Variants in MASP1 observed in about 807,000 individuals in gnomAD.
MASP1 encodes MBL associated serine protease 1, also known as mannan-binding lectin serine protease 1.
MASP1 carries 59 observed loss-of-function variants against 77.1 expected under a neutral mutation model. That is an observed-to-expected ratio of 0.77 (90% CI 0.62 to 0.95). MASP1 has a LOEUF of 0.95. MASP1 is among the 40% of genes least tolerant of loss of function. The pLI, the probability that MASP1 is intolerant of heterozygous loss-of-function variation, is 0.00. For synonymous variants in MASP1, 362 were observed against 354.5 expected (o/e 1.02, Z -0.24); for missense variants, 885 against 912.9 (o/e 0.97, Z 0.39).
At chr3:187,245,525 T>C (rs1176147706) in intron 8 of MASP1, among the ~76,000 whole-genome samples, 2 of 152,044 alleles carry the variant, frequency 1.3e-5, no homozygotes, top group Non-Finnish European at 2.9e-5. Context: ...GGGTGATAAA[T>C]AGTGGAAGGT....
At chr3:187,268,306 ACC>A (rs1716214794) in intron 2 of MASP1, among the ~76,000 whole-genome samples, 1 of 151,948 alleles carries the variant, frequency 6.6e-6, no homozygotes, top group African/African-American at 2.4e-5. Flanking sequence ...TCATAGCAAG[ACC>A]CTGTCTCTAC....
intron 10 of MASP1, 134 bp from the exon 11 acceptor site, chr3:187,236,701 T>A: frequency 1.3e-6 from 2 of 1,489,618 alleles, no homozygotes; most frequent in Non-Finnish European, 1.8e-6. Context: ...CCTGCCTGGG[T>A]CATGCTAGCC....
chr3:187,251,744 A>G lies in MASP1; in HGVS notation c.901T>C (p.Cys301Arg). ...RLSYRAAGNECPELQPPVHGK... is the reference protein window; with the variant it reads ...RLSYRAAGNERPELQPPVHGK... ...TGGACAGGAGGCTGTAGCTCTGGGC[A>G]CTCATTTCCTGGTGAGGAGCAAATG... Residue 301 changes from cysteine to arginine, a missense_variant, in exon 7 of 11, where the codon TGC becomes CGC. By Grantham distance (180) the Cys-to-Arg change is radical (BLOSUM62 -3). Coordinates refer to ENST00000296280, the MANE Select transcript of MASP1 (RefSeq NM_139125.4). 6.2e-7 allele frequency: 1 copy of G among 1,613,460 alleles called. No homozygotes were observed. The highest frequency in any genetic ancestry group is 8.5e-7 in the Non-Finnish European group (1 of 1,179,416).
chr3:187,238,254 T>G (rs1408526480), intron 10 of MASP1, among the ~76,000 whole-genome samples: 1 of 152,206 alleles, frequency 6.6e-6, no homozygotes, highest in African/African-American at 2.4e-5. Flanking sequence ...TGGAGAGACC[T>G]TGGAGAACAG....
At chr3:187,229,608 A>C, downstream of MASP1, 3 of 1,000,066 alleles carry the variant, frequency 3.0e-6, no homozygotes, top group Non-Finnish European at 4.5e-6. Flanking sequence ...GAGACAGACC[A>C]GGATCCAGTC....
chr3:187,291,546 T>C (rs1718334466), intron 1 of MASP1, 82 bp downstream of exon 1: 1 of 1,562,252 alleles, frequency 6.4e-7, no homozygotes, highest in Non-Finnish European at 8.8e-7. Flanking sequence ...GGTGAGTCTG[T>C]CAGTGACAAG....
At chr3:187,291,101 A>C (rs1445272824) in intron 1 of MASP1, 2 of 174,650 alleles carry the variant, frequency 1.1e-5, no homozygotes, top group African/African-American at 4.8e-5. Flanking sequence ...GGGAACTGTA[A>C]AATGGGGACA....
chr3:187,276,123 A>G (rs1184692265), intron 2 of MASP1, among the ~76,000 whole-genome samples: 3 of 107,088 alleles, frequency 2.8e-5, no homozygotes, highest in African/African-American at 7.2e-5. Flanking sequence ...AGCCCCCCCA[A>G]CAAGAAAGCC....
chr3:187,253,046 T>C, intron 6 of MASP1, 122 bp downstream of exon 6: 3 of 1,307,164 alleles, frequency 2.3e-6, no homozygotes, highest in Non-Finnish European at 2.2e-6. Context: ...CCCCAGCTGC[T>C]CAACTGGGAG....
At chr3:187,278,242 G>GTC (rs1717120034) in intron 2 of MASP1, among the ~76,000 whole-genome samples, 2 of 152,212 alleles carry the variant, frequency 1.3e-5, no homozygotes, top group African/African-American at 4.8e-5. Flanking sequence ...GGGTCTGAAT[G>GTC]ACTCCAAAGT....
intron 8 of MASP1, chr3:187,246,618 A>G: frequency 4.1e-6 from 4 of 986,080 alleles, no homozygotes; most frequent in Non-Finnish European, 4.8e-6. Context: ...ATCACTGTTT[A>G]GGACCTGTGA....
At chr3:187,231,847 C>T (rs1440479306), downstream of MASP1, among the ~76,000 whole-genome samples, 3 of 152,198 alleles carry the variant, frequency 2.0e-5, no homozygotes, top group African/African-American at 7.2e-5. Flanking sequence ...ACATGGAGAA[C>T]TGAACATGTA....
Position 187,253,180 on chromosome 3 carries a change from A to G in MASP1, c.880T>C (p.Tyr294His), listed in dbSNP as rs770002337. The G allele has an allele frequency of 3.1e-6, 5 of 1,613,880 alleles. No individual in the cohort carries two copies. The highest frequency in any genetic ancestry group is 4.2e-6 in the Non-Finnish European group (5 of 1,180,006). The change falls in exon 6 of 11, where the codon TAC becomes CAC. Residue 294 changes from tyrosine to histidine, a missense_variant. By Grantham distance (83) the Tyr-to-His change is moderately conservative (BLOSUM62 2). Coordinates refer to ENST00000296280, the MANE Select transcript of MASP1 (RefSeq NM_139125.4). ...GGGAAGAGGTTACCTGCAGCCCTGT[A>G]TGAGAGCCTCCAGCCCCGGTTCTCT... is the stretch of plus-strand genomic sequence containing the variant. ...SGENRGWRLSYRAAGNECPEL... is the reference protein window; with the variant it reads ...SGENRGWRLSHRAAGNECPEL...
chr3:187,286,924 C>A (rs1717909663), intron 1 of MASP1, among the ~76,000 whole-genome samples: 1 of 152,216 alleles, frequency 6.6e-6, no homozygotes, highest in Non-Finnish European at 1.5e-5. Context: ...AGTTCCCTGG[C>A]CTGAACTTTA....
At chr3:187,229,700 G>C (rs182806683), downstream of MASP1, 1 of 1,597,776 alleles carries the variant, frequency 6.3e-7, no homozygotes, top group Non-Finnish European at 8.5e-7. Flanking sequence ...AGAAACCTTG[G>C]TCAGTCTCCA....
chr3:187,235,057 A>T lies in MASP1; in HGVS notation c.*627T>A. On this transcript the variant is annotated 3_prime_UTR_variant, in exon 11 of 11. Coordinates refer to ENST00000296280, the MANE Select transcript of MASP1 (RefSeq NM_139125.4). ...TTTTGAAATTCCTTTAATGGGGAAC[A>T]TAAGGGATAAGGCTTAGACTGCAAG... The T allele has an allele frequency of 7.8e-7, 1 of 1,287,294 alleles. No individual in the cohort carries two copies. The highest frequency in any genetic ancestry group is 1.0e-6 in the Non-Finnish European group (1 of 988,716). The allele number at this position is 1,287,294 out of a possible 1,614,324, so 79.7% of individuals were successfully genotyped here.
intron 14 of MASP1, among the ~76,000 whole-genome samples, chr3:187,222,771 C>G (rs1392205092): frequency 1.3e-5 from 2 of 151,814 alleles, no homozygotes; most frequent in African/African-American, 2.4e-5. Context: ...TTCTCAAGAG[C>G]CTGGCTCATT....
chr3:187,225,733 T>A (rs1186436091), intron 12 of MASP1, among the ~76,000 whole-genome samples: 3 of 152,196 alleles, frequency 2.0e-5, no homozygotes, highest in Non-Finnish European at 2.9e-5. Flanking sequence ...GCTGTTGCCT[T>A]GTAATGCTTG....
chr3:187,255,927 G>A (rs532327842), intron 5 of MASP1, among the ~76,000 whole-genome samples: 1 of 151,816 alleles, frequency 6.6e-6, no homozygotes, highest in Non-Finnish European at 1.5e-5. Context: ...CCAGCTCAGG[G>A]TCTCTTCTGA....
Sources: allele counts gnomAD v4.1 joint callset (sites outside exome capture counted in the v4.1 genomes callset), GRCh38; gene constraint gnomAD v4.1.1; transcripts MANE v1.5; gene names NCBI Gene and HGNC (gene_info 2026-07-23, HGNC 2026-07-21).